Variants in YTHDF1 observed in about 807,000 individuals in gnomAD.
The protein encoded by YTHDF1 is YTH N6-methyladenosine RNA binding protein F1, also known as YTH domain-containing family protein 1.
A neutral mutation model predicts 49.1 loss-of-function variants in YTHDF1; 16 were observed. The ratio of observed to expected loss-of-function variants is 0.33; its 90% CI spans 0.22 to 0.49. The LOEUF (loss-of-function observed/expected upper bound fraction) is 0.49, where lower values mean the gene tolerates loss of function less well. Among genes scored for constraint, YTHDF1 ranks in the 20% least tolerant of loss-of-function variants. The probability of loss-of-function intolerance (pLI) is 0.99; values close to 1 mark genes in which losing one functional copy is unlikely to be tolerated. For missense variants in YTHDF1, 621 were observed against 744.3 expected (o/e 0.83, Z 1.93); for synonymous variants, 313 against 290.1 (o/e 1.08, Z -0.80).
chr20:63,215,424 A>C (rs1319764960), intron 2 of YTHDF1, among the ~76,000 whole-genome samples, 153 bp downstream of exon 2: 1 of 152,088 alleles, frequency 6.6e-6, no homozygotes, highest in Non-Finnish European at 1.5e-5. Context: ...CGACCTGTCA[A>C]ATCTCCCAGA....
At position 63,212,388 on chromosome 20, in the gene YTHDF1, G is replaced by A. The variant is rs1054820532; in HGVS notation, c.132+1476C>T. 2.6e-5 allele frequency among the ~76,000 whole-genome samples: 4 copies of A among 152,342 alleles called. 1 individual carries two copies. Among genetic ancestry groups the A allele is most frequent in the Non-Finnish European group, 4.4e-5 (3 of 68,024 alleles). On this transcript the variant is annotated intron_variant, in intron 3 of 4. Coordinates refer to ENST00000370339, the MANE Select transcript of YTHDF1 (RefSeq NM_017798.4). ...AGACACCTCAGAAAAGGGCAGACTA[G>A]TTTTATTCCTTCACAGAGAAGAGGT...
Position 63,213,921 on chromosome 20 carries a change from C to T in YTHDF1, c.75G>A (p.Gln25=). ...DNKVQNGSLH[Q]KDTVHDNDFE... ...AGTCATTGTCATGAACTGTATCCTTCTGATGTAACGAACCATTTTGTACTA... is the reference window on the plus strand; with the variant it reads ...AGTCATTGTCATGAACTGTATCCTTTTGATGTAACGAACCATTTTGTACTA... Residue 25 remains glutamine, a synonymous_variant, in exon 3 of 5, where the codon CAG becomes CAA. Coordinates refer to ENST00000370339, the MANE Select transcript of YTHDF1 (RefSeq NM_017798.4). 6.4e-7 allele frequency: 1 copy of T among 1,562,860 alleles called. No homozygotes were observed. Among genetic ancestry groups the T allele is most frequent in the Non-Finnish European group, 8.6e-7 (1 of 1,164,680 alleles).
At chr20:63,201,465 T>C (rs1445781959) in intron 4 of YTHDF1, among the ~76,000 whole-genome samples, 2 of 152,224 alleles carry the variant, frequency 1.3e-5, no homozygotes, top group Non-Finnish European at 2.9e-5. Flanking sequence ...CATCATCATT[T>C]TCCCATTGCT....
intron 3 of YTHDF1, among the ~76,000 whole-genome samples, chr20:63,211,977 AC>A (rs2066576601): frequency 9.7e-6 from 1 of 102,702 alleles, no homozygotes; most frequent in Non-Finnish European, 2.4e-5. Flanking sequence ...ACACACACAC[AC>A]ACACACACAC....
intron 4 of YTHDF1, among the ~76,000 whole-genome samples, chr20:63,201,512 G>A (rs1190558467): frequency 6.6e-6 from 1 of 152,180 alleles, no homozygotes; most frequent in Non-Finnish European, 1.5e-5. Context: ...CTTCTGAAGA[G>A]CAAACACACT....
intron 4 of YTHDF1, among the ~76,000 whole-genome samples, chr20:63,200,075 T>C (rs1232759562): frequency 2.0e-5 from 3 of 151,578 alleles, no homozygotes; most frequent in African/African-American, 4.8e-5. Flanking sequence ...AAAAAGCTAT[T>C]TGAGGCGGGG....
intron 3 of YTHDF1, among the ~76,000 whole-genome samples, chr20:63,212,323 T>TCA (rs2066578593): frequency 6.6e-6 from 1 of 152,140 alleles, no homozygotes; most frequent in African/African-American, 2.4e-5. Flanking sequence ...CCAAGTGCAG[T>TCA]AGGAGGGAGG....
intron 2 of YTHDF1, among the ~76,000 whole-genome samples, chr20:63,214,801 A>G (rs2066593504): frequency 1.3e-5 from 2 of 152,160 alleles, no homozygotes; most frequent in Admixed American, 1.3e-4. Context: ...GGAAGTATGT[A>G]ACTTTTTTTG....
chr20:63,213,653 A>G (rs148375920), intron 3 of YTHDF1, among the ~76,000 whole-genome samples: 74 of 152,300 alleles, frequency 4.9e-4, no homozygotes, highest in African/African-American at 1.7e-3. Context: ...CCCCAGTGGG[A>G]TGCCGCCTCC....
chr20:63,207,703 G>A (rs1478700323), intron 3 of YTHDF1, among the ~76,000 whole-genome samples: 2 of 151,792 alleles, frequency 1.3e-5, no homozygotes, highest in Non-Finnish European at 2.9e-5. Flanking sequence ...CGACCTCATC[G>A]AAGAAAGGCT....
At chr20:63,207,998 A>C (rs916520502) in intron 3 of YTHDF1, among the ~76,000 whole-genome samples, 4 of 152,246 alleles carry the variant, frequency 2.6e-5, no homozygotes, top group East Asian at 1.9e-4. Context: ...CTCAAAAAAA[A>C]AAAAACAAAA....
rs147834494 is a variant in YTHDF1 at position 63,207,190 on chromosome 20, C to T, written c.133-3383G>A. 7.8e-3 allele frequency among the ~76,000 whole-genome samples: 1,195 copies of T among 152,330 alleles called. 15 individuals carry two copies. The highest frequency in any genetic ancestry group is 0.026 in the African/African-American group (1,064 of 41,580). On this transcript the variant is annotated intron_variant, in intron 3 of 4. Coordinates refer to ENST00000370339, the MANE Select transcript of YTHDF1 (RefSeq NM_017798.4). ...CTCAGGGATACAGCTGCATTAACCC[C>T]GGGCACGGTGACTCATGCCTGTAAT...
intron 3 of YTHDF1, among the ~76,000 whole-genome samples, chr20:63,208,548 CAG>C (rs2066558957): frequency 6.6e-6 from 1 of 152,238 alleles, no homozygotes; most frequent in Non-Finnish European, 1.5e-5. Flanking sequence ...CATCAATATG[CAG>C]AGACAGCAGT....
intron 3 of YTHDF1, among the ~76,000 whole-genome samples, chr20:63,206,608 G>A (rs566481389): frequency 5.1e-4 from 78 of 152,318 alleles, no homozygotes; most frequent in African/African-American, 1.8e-3. Flanking sequence ...AATCAGCTCT[G>A]CTGGCAGCCC....
At chr20:63,215,506 G>T in intron 2 of YTHDF1, 71 bp downstream of exon 2, 1 of 1,604,284 alleles carries the variant, frequency 6.2e-7, no homozygotes. Flanking sequence ...TCCAGACGCA[G>T]CTTCCTGGAC....
At chr20:63,207,834 G>A (rs902630947) in intron 3 of YTHDF1, among the ~76,000 whole-genome samples, 10 of 151,758 alleles carry the variant, frequency 6.6e-5, no homozygotes, top group African/African-American at 1.7e-4. Flanking sequence ...GTTAAACCCC[G>A]TCTCTACTAA....
At position 63,203,194 on chromosome 20, in the gene YTHDF1, T is replaced by C; in HGVS notation, c.746A>G (p.Lys249Arg). 2 of 1,613,950 alleles carry C rather than the reference T, an allele frequency of 1.2e-6. No individual in the cohort carries two copies. The highest frequency in any genetic ancestry group is 2.2e-5 in the South Asian group (2 of 91,084). ...CCCCATGACAGGCCCGCTCTTTGTT[T>C]TCATTTTAGGCTGTGGTTTTGCAGG... ...SKPAKPQPKMKTKSGPVMGGG... is the reference protein window; with the variant it reads ...SKPAKPQPKMRTKSGPVMGGG... The change falls in exon 4 of 5, where the codon AAA (lysine) becomes AGA (arginine). Residue 249 changes from lysine to arginine, a missense_variant. Around this residue, in one of 2 missense-constraint regions of YTHDF1, gnomAD observed 470 missense variants for 495.8 expected, o/e 0.95. Transcript: ENST00000370339. The surrounding 1 kb of genome is among the most constrained non-coding windows in gnomAD (Gnocchi z 4.4).
At chr20:63,197,644 T>TGAGG (rs1447009355) in intron 4 of YTHDF1, among the ~76,000 whole-genome samples, 2 of 152,104 alleles carry the variant, frequency 1.3e-5, no homozygotes, top group Admixed American at 6.5e-5. Context: ...TTCGGGAGGC[T>TGAGG]GAGGCGAGAG....
intron 4 of YTHDF1, among the ~76,000 whole-genome samples, chr20:63,201,381 A>G (rs879652707): frequency 6.6e-6 from 1 of 152,220 alleles, no homozygotes; most frequent in Non-Finnish European, 1.5e-5. Context: ...TCAGGAAGGG[A>G]TATTTTTTAA....
Sources: allele counts gnomAD v4.1 joint callset (sites outside exome capture counted in the v4.1 genomes callset), GRCh38; gene constraint gnomAD v4.1.1; regional missense constraint gnomAD v4.1.1; non-coding constraint Gnocchi (gnomAD v3.1); transcripts MANE v1.5; gene names NCBI Gene and HGNC (gene_info 2026-07-23, HGNC 2026-07-21).